COL6A2: variants seen among roughly 807,000 people sequenced by gnomAD.
COL6A2 encodes collagen alpha-2(VI) chain.
In COL6A2, 90 loss-of-function variants were observed where a neutral mutation model predicts 124.9. The ratio of observed to expected loss-of-function variants is 0.72; its 90% confidence interval spans 0.61 to 0.86. The LOEUF (loss-of-function observed/expected upper bound fraction) is 0.86, where lower values mean the gene tolerates loss of function less well. Among genes scored for constraint, COL6A2 ranks in the 40% least tolerant of loss-of-function variants. COL6A2 has a pLI of 0.00. For missense variants in COL6A2, 1,607 were observed against 1,502.5 expected (o/e 1.07, Z -1.15); for synonymous variants, 793 against 618.2 (o/e 1.28, Z -4.19).
At chr21:46,120,970 G>A (rs370341401) in intron 16 of COL6A2, 91 bp from the exon 17 acceptor site, 119 of 1,252,868 alleles carry the variant, frequency 9.5e-5, no homozygotes, top group South Asian at 1.6e-4. Context: ...TCTTACCCCC[G>A]AGGCCCTGCA....
In COL6A2 at chr21:46,115,622, T is replaced by G. The variant is rs8133910; in HGVS notation, c.802-250T>G. ...GGGCCAGGCACCCCCACCCCAGGGG[T>G]CTCTTCTGGCTCCATTTTGCAGGTG... On this transcript the variant is annotated intron_variant, in intron 5 of 27. Transcript: ENST00000300527. 0.7 allele frequency among the ~76,000 whole-genome samples: 106,604 copies of G among 152,058 alleles called. 37,687 individuals are homozygous for G. The highest frequency in any genetic ancestry group is 0.78 in the Admixed American group (11,961 of 15,286).
intron 1 of COL6A2, among the ~76,000 whole-genome samples, chr21:46,105,544 T>C (rs1790341616): frequency 6.6e-6 from 1 of 152,198 alleles, no homozygotes. Flanking sequence ...ACACATAATA[T>C]ATAAAGGTGT....
intron 5 of COL6A2, among the ~76,000 whole-genome samples, chr21:46,114,726 GTCCCCTGCATTTTCTGGTTTGAACA>G (rs904817128): frequency 8.5e-5 from 13 of 152,266 alleles, no homozygotes; most frequent in Admixed American, 3.3e-4. Flanking sequence ...TGGTTTGAAT[GTCCCCTGCATTTTCTGGTTTGAACA>G]TCCCCTGCAT....
At chr21:46,101,255 T>C (rs1297705899) in intron 1 of COL6A2, among the ~76,000 whole-genome samples, 2 of 152,178 alleles carry the variant, frequency 1.3e-5, no homozygotes, top group Non-Finnish European at 2.9e-5. Context: ...TGAATCAAGT[T>C]GATTGTTTTT....
intron 5 of COL6A2, 75 bp from the exon 6 acceptor site, chr21:46,115,797 G>C: frequency 7.5e-7 from 1 of 1,340,972 alleles, no homozygotes; most frequent in Non-Finnish European, 1.1e-6. Flanking sequence ...ACCTCTCAGA[G>C]GAGCTGTGGC....
intron 27 of COL6A2, among the ~76,000 whole-genome samples, chr21:46,127,272 G>A (rs1807791862): frequency 6.6e-6 from 1 of 152,156 alleles, no homozygotes; most frequent in South Asian, 2.1e-4. Context: ...ACCACAGGGA[G>A]GAAACCTCAG....
intron 27 of COL6A2, chr21:46,129,481 C>T (rs1437657977): frequency 3.8e-6 from 6 of 1,585,330 alleles, no homozygotes; most frequent in South Asian, 3.4e-5. Flanking sequence ...ACCGCGCTGG[C>T]CCTCTGCTAA....
Position 46,132,252 on chromosome 21 carries a change from C to T in COL6A2, c.2760C>T (p.Gly920=), listed in dbSNP as rs751630559. Residue 920 remains glycine, a synonymous_variant, in exon 28 of 28, where the codon GGC becomes GGT. Coordinates refer to ENST00000300527, the MANE Select transcript of COL6A2 (RefSeq NM_001849.4). ...ACTCCTTCTCGCACGTGGGCGCAGG[C>T]GTGGTGCACGCCATCAATGCCATCG... ...YLNSFSHVGA[G]VVHAINAIVR... is the part of the protein sequence containing the mutation. 13 of 1,604,930 alleles carry T rather than the reference C, an allele frequency of 8.1e-6. No homozygotes were observed. The highest frequency in any genetic ancestry group is 2.2e-5 in the East Asian group (1 of 44,576).
At chr21:46,101,337 A>C (rs545169597) in intron 1 of COL6A2, among the ~76,000 whole-genome samples, 1 of 152,236 alleles carries the variant, frequency 6.6e-6, no homozygotes, top group African/African-American at 2.4e-5. Flanking sequence ...GTTTACAGAT[A>C]TTTTCTCTCA....
At position 46,122,247 on chromosome 21, in the gene COL6A2, T is replaced by C. The variant is rs181145723; in HGVS notation, c.1572+89T>C. On this transcript the variant is annotated intron_variant, in intron 19 of 27. Transcript: ENST00000300527. ...GATTCCTAGTAGTTCCCTCAAGGCC[T>C]CCTCTGTGCAGAAGAAAGTGTGAGG... 2.8e-5 allele frequency: 40 copies of C among 1,450,058 alleles called. 1 individual carries two copies. The highest frequency in any genetic ancestry group is 1.7e-4 in the South Asian group (14 of 84,364). The allele number at this position is 1,450,058 out of a possible 1,614,324, so 89.8% of individuals were successfully genotyped here. A position where few individuals can be genotyped will look rare whatever the true frequency, so the allele number is the denominator to read the frequency against.
intron 27 of COL6A2, chr21:46,129,763 C>G: frequency 3.0e-6 from 4 of 1,329,704 alleles, no homozygotes; most frequent in Non-Finnish European, 3.8e-6. Flanking sequence ...TTAAGGCCCA[C>G]CCCAAGTCCA....
chr21:46,119,207 C>T, intron 14 of COL6A2, 88 bp downstream of exon 14: 1 of 1,031,680 alleles, frequency 9.7e-7, no homozygotes, highest in Non-Finnish European at 1.5e-6. Flanking sequence ...GGCACCTGGG[C>T]TGTAGGCAGG....
Position 46,121,049 on chromosome 21 carries a change from CCT to C in COL6A2, c.1396-11_1396-10del. On this transcript the variant is annotated splice_polypyrimidine_tract_variant and intron_variant, in intron 16 of 27. Transcript: ENST00000300527. ...AGTCAAGAGAACCCCAAATTCCTCCCCTTTCTTCCAGGGAGACCGAGGCTTGC... is the reference window on the plus strand; with the variant it reads ...AGTCAAGAGAACCCCAAATTCCTCCCTTCTTCCAGGGAGACCGAGGCTTGC... 6.2e-7 allele frequency: 1 copy of C among 1,612,646 alleles called. No individual in the cohort carries two copies. Among genetic ancestry groups the C allele is most frequent in the Non-Finnish European group, 8.5e-7 (1 of 1,179,830 alleles).
chr21:46,120,663 C>G, intron 16 of COL6A2, 86 bp downstream of exon 16: 1 of 1,274,628 alleles, frequency 7.8e-7, no homozygotes. Context: ...GTGGCCGGGA[C>G]TGCACCCCAA....
chr21:46,117,498 G>T (rs2078491165), intron 11 of COL6A2, 45 bp downstream of exon 11: 1 of 1,593,994 alleles, frequency 6.3e-7, no homozygotes, highest in African/African-American at 1.3e-5. Flanking sequence ...CCCAGGGGGT[G>T]TGGGTGCCTG....
chr21:46,125,969 C>G lies in COL6A2; in HGVS notation c.2154C>G (p.Ser718Arg). Residue 718 changes from serine (S) to arginine (R), a missense_variant, in exon 26 of 28, where the codon AGC (serine) becomes AGG (arginine). Around this residue, in one of 3 missense-constraint regions of COL6A2, gnomAD observed 1,223 missense variants for 1,052.2 expected, o/e 1.16. Coordinates refer to ENST00000300527, the MANE Select transcript of COL6A2 (RefSeq NM_001849.4). ...KFAYDRLIKE[S>R]RRQKTRVFAV... is the part of the protein sequence containing the mutation. ...CCTACGACCGCCTCATCAAGGAGAG[C>G]CGGCGCCAGAAGACACGTGTGTTTG... 1 of 1,613,142 alleles carries G rather than the reference C, an allele frequency of 6.2e-7. No homozygotes were observed. The highest frequency in any genetic ancestry group is 8.5e-7 in the Non-Finnish European group (1 of 1,179,926).
chr21:46,103,047 C>G (rs142661438), intron 1 of COL6A2, among the ~76,000 whole-genome samples: 117 of 152,192 alleles, frequency 7.7e-4, no homozygotes, highest in African/African-American at 2.6e-3. Flanking sequence ...GCCATCAGGT[C>G]CAGAGGTTGT....
At position 46,116,916 on chromosome 21, in the gene COL6A2, T is replaced by C. The variant is rs973627839; in HGVS notation, c.999+102T>C. ...CCTGATCTGTCAGCTTACACATGTG[T>C]ACACACGCATACACACACACACACA... is the stretch of plus-strand genomic sequence containing the variant. On this transcript the variant is annotated intron_variant, in intron 10 of 27. Transcript: ENST00000300527. This position sits in a 1 kb window ranked among gnomAD's most constrained non-coding sequence, Gnocchi z 4.6. 14 of 804,010 alleles carry C rather than the reference T, an allele frequency of 1.7e-5. No individual in the cohort carries two copies. The highest frequency in any genetic ancestry group is 2.7e-5 in the Non-Finnish European group (14 of 509,384). The allele number at this position is 804,010 out of a possible 1,614,324, so 49.8% of individuals were successfully genotyped here. A position where few individuals can be genotyped will look rare whatever the true frequency, so the allele number is the denominator to read the frequency against.
chr21:46,112,213 C>T lies in COL6A2; in HGVS notation c.350C>T (p.Ser117Phe), dbSNP rs1331953023. The T allele has an allele frequency of 3.7e-6, 6 of 1,612,938 alleles. No individual in the cohort carries two copies. The highest frequency in any genetic ancestry group is 2.2e-5 in the East Asian group (1 of 44,870). The change falls in exon 3 of 28, where the codon TCC becomes TTC. Residue 117 changes from serine to phenylalanine, a missense_variant. By Grantham distance (155) the Ser-to-Phe change is radical. Transcript: ENST00000300527. Reference sequence around the variant, plus strand: ...AGCCCACCGGGCAGCGACCGGGCCTCCTTCATCAAGAACCTGCAGGGCATC... The same window carrying T: ...AGCCCACCGGGCAGCGACCGGGCCTTCTTCATCAAGAACCTGCAGGGCATC... ...VFSPPGSDRA[S>F]FIKNLQGISS... is the part of the protein sequence containing the mutation.
Sources: gnomAD v4.1 joint callset for allele counts (sites outside exome capture counted in the v4.1 genomes callset) on GRCh38, gnomAD v4.1.1 for gene constraint, gnomAD v4.1.1 regional missense constraint, Gnocchi (gnomAD v3.1) non-coding constraint, MANE v1.5 for transcripts, NCBI Gene and HGNC (gene_info 2026-07-23, HGNC 2026-07-21) for gene names.